Variants in DYM observed in about 807,000 individuals in gnomAD.
The protein encoded by DYM is dyggve-Melchior-Clausen syndrome protein.
A neutral mutation model predicts 93.1 loss-of-function variants in DYM; 78 were observed. The ratio of observed to expected loss-of-function variants is 0.84; its 90% CI spans 0.70 to 1.01. The LOEUF is 1.01. Ranked by LOEUF, DYM falls within the 50% of genes least tolerant of loss-of-function variation. DYM has a pLI of 0.00. For synonymous variants in DYM, 321 were observed against 319.7 expected, an observed-to-expected ratio of 1.00 and a Z score of -0.04; for missense variants, 789 against 845.0, an observed-to-expected ratio of 0.93 and a Z score of 0.82.
intron 8 of DYM, among the ~76,000 whole-genome samples, chr18:49,289,758 T>TATATATATATACAC (rs2059959942): frequency 5.0e-4 from 19 of 38,172 alleles, no homozygotes; most frequent in African/African-American, 1.2e-3. Context: ...TATATATATA[T>TATATATATATACAC]ATATATATAT....
At chr18:49,379,205 T>G (rs1025609583) in intron 4 of DYM, among the ~76,000 whole-genome samples, 4 of 152,186 alleles carry the variant, frequency 2.6e-5, no homozygotes, top group Non-Finnish European at 5.9e-5. Context: ...CAAAATATTT[T>G]AATCTTTTCA....
chr18:49,179,619 A>G (rs1340501941), intron 14 of DYM, among the ~76,000 whole-genome samples: 2 of 152,174 alleles, frequency 1.3e-5, no homozygotes, highest in Non-Finnish European at 2.9e-5. Flanking sequence ...TAGAGTATCT[A>G]TTACACAACA....
At chr18:49,186,482 C>A (rs901919784) in intron 14 of DYM, among the ~76,000 whole-genome samples, 5 of 152,076 alleles carry the variant, frequency 3.3e-5, no homozygotes, top group African/African-American at 1.2e-4. Flanking sequence ...TTTTATGCCA[C>A]CCCCTACGCT....
At chr18:49,402,777 T>C (rs930572965) in intron 2 of DYM, among the ~76,000 whole-genome samples, 1 of 152,146 alleles carries the variant, frequency 6.6e-6, no homozygotes, top group Non-Finnish European at 1.5e-5. Context: ...TGCCATCAAT[T>C]AGCAAAACTC....
intron 14 of DYM, chr18:49,208,636 TTA>T (rs1409190455): frequency 6.6e-6 from 1 of 152,208 alleles, no homozygotes; most frequent in African/African-American, 2.4e-5. Context: ...GTCTCAAGTT[TTA>T]TATGTTTCAT....
intron 16 of DYM, among the ~76,000 whole-genome samples, chr18:49,097,789 T>C (rs563871612): frequency 6.6e-6 from 1 of 152,290 alleles, no homozygotes; most frequent in African/African-American, 2.4e-5. Context: ...CTTGCATTTA[T>C]ATTTCGTTTA....
chr18:49,357,436 C>G (rs2065659342), intron 6 of DYM, among the ~76,000 whole-genome samples: 1 of 152,220 alleles, frequency 6.6e-6, no homozygotes, highest in African/African-American at 2.4e-5. Flanking sequence ...AATTAATCTA[C>G]TAGTCCCTTA....
At chr18:49,186,102 A>G (rs2090405517) in intron 14 of DYM, among the ~76,000 whole-genome samples, 1 of 152,138 alleles carries the variant, frequency 6.6e-6, no homozygotes, top group Non-Finnish European at 1.5e-5. Flanking sequence ...CAGTTTACAC[A>G]TTTTGTCTCA....
chr18:49,317,599 C>CCT (rs2062065968), intron 8 of DYM, among the ~76,000 whole-genome samples: 584 of 21,962 alleles, frequency 0.027, 42 homozygotes, highest in East Asian at 0.043. Context: ...CTCTCTCTCC[C>CCT]CCCTCCCCCC....
At chr18:49,196,901 G>A (rs1363687428) in intron 14 of DYM, among the ~76,000 whole-genome samples, 3 of 152,160 alleles carry the variant, frequency 2.0e-5, no homozygotes, top group Admixed American at 6.5e-5. Flanking sequence ...AGGACTGTCT[G>A]AGCTAGGGTG....
At chr18:49,075,448 G>A (rs1440344085) in intron 17 of DYM, among the ~76,000 whole-genome samples, 1 of 152,144 alleles carries the variant, frequency 6.6e-6, no homozygotes, top group Admixed American at 6.5e-5. Flanking sequence ...AAGGATCAGG[G>A]TCACTCAGGA....
At chr18:49,379,966 A>G (rs989038382) in intron 3 of DYM, among the ~76,000 whole-genome samples, 1 of 152,194 alleles carries the variant, frequency 6.6e-6, no homozygotes, top group African/African-American at 2.4e-5. Flanking sequence ...GATTTGCAAA[A>G]TGAAAATGAT....
At chr18:49,266,689 G>A (rs962199872) in intron 11 of DYM, among the ~76,000 whole-genome samples, 2 of 152,212 alleles carry the variant, frequency 1.3e-5, no homozygotes, top group Non-Finnish European at 2.9e-5. Context: ...GTTAATGAAT[G>A]AGTATGATCA....
chr18:49,333,318 G>A (rs2063442991), intron 7 of DYM, among the ~76,000 whole-genome samples: 1 of 152,188 alleles, frequency 6.6e-6, no homozygotes, highest in South Asian at 2.1e-4. Context: ...TCAGCGAAGA[G>A]GCTGCTGGAG....
chr18:49,083,768 T>C (rs931367106), intron 17 of DYM, among the ~76,000 whole-genome samples: 1 of 152,188 alleles, frequency 6.6e-6, no homozygotes, highest in African/African-American at 2.4e-5. Context: ...ATCTACAATG[T>C]TTAATTTGTT....
intron 11 of DYM, among the ~76,000 whole-genome samples, chr18:49,260,071 G>C (rs1207574476): frequency 6.6e-6 from 1 of 152,134 alleles, no homozygotes; most frequent in Non-Finnish European, 1.5e-5. Context: ...GCTATGAAAA[G>C]GGAAAATCAC....
chr18:49,352,068 T>C (rs1243591835), intron 6 of DYM, among the ~76,000 whole-genome samples: 1 of 152,236 alleles, frequency 6.6e-6, no homozygotes, highest in Non-Finnish European at 1.5e-5. Flanking sequence ...TGATCCATGC[T>C]ATAACTAGAA....
chr18:49,392,850 C>T (rs2069444193), intron 2 of DYM, among the ~76,000 whole-genome samples: 1 of 151,120 alleles, frequency 6.6e-6, no homozygotes, highest in African/African-American at 2.4e-5. Flanking sequence ...CAAAAATTAG[C>T]CAGGCATGGT....
intron 13 of DYM, among the ~76,000 whole-genome samples, chr18:49,248,869 C>G (rs1015870048): frequency 2.0e-5 from 3 of 152,138 alleles, no homozygotes; most frequent in African/African-American, 7.2e-5. Context: ...ATTGTAATAC[C>G]TGAACACATC....
Sources: allele counts gnomAD v4.1 joint callset (sites outside exome capture counted in the v4.1 genomes callset), GRCh38; gene constraint gnomAD v4.1.1; transcripts MANE v1.5; gene names NCBI Gene and HGNC (gene_info 2026-07-23, HGNC 2026-07-21).